ARHGEF3: variants seen among roughly 807,000 people sequenced by gnomAD.
ARHGEF3 encodes the protein 59.8 kDA protein.
ARHGEF3 carries 28 observed loss-of-function variants against 63.2 expected under a neutral mutation model. The ratio of observed to expected loss-of-function variants is 0.44; its 90% CI spans 0.33 to 0.61. The LOEUF is 0.61. ARHGEF3 is among the 20% of genes least tolerant of loss of function. ARHGEF3 has a pLI of 0.03. For missense variants in ARHGEF3, 533 were observed against 659.3 expected (o/e 0.81, Z 2.10); for synonymous variants, 266 against 254.2 (o/e 1.05, Z -0.44).
At chr3:56,939,701 T>C (rs1699082583) in intron 3 of ARHGEF3, 1 of 152,174 alleles carries the variant, frequency 6.6e-6, no homozygotes, top group African/African-American at 2.4e-5. Context: ...AATCAATAAC[T>C]AAATGGACTG....
intron 2 of ARHGEF3, among the ~76,000 whole-genome samples, chr3:56,758,727 C>G (rs10222681): frequency 0.26 from 39,867 of 152,026 alleles, 7,168 homozygotes; most frequent in African/African-American, 0.51. Flanking sequence ...CCCTTGTAAA[C>G]AGTAACCAGG....
intron 3 of ARHGEF3, among the ~76,000 whole-genome samples, chr3:56,955,853 C>A (rs1242866330): frequency 6.6e-6 from 1 of 152,230 alleles, no homozygotes; most frequent in African/African-American, 2.4e-5. Context: ...GGTGTTTCCA[C>A]TTGGTTGGGT....
At chr3:57,074,260 A>C (rs1317270486) in intron 1 of ARHGEF3, 8 of 1,608,184 alleles carry the variant, frequency 5.0e-6, no homozygotes, top group Non-Finnish European at 6.0e-6. Context: ...ATACACACAC[A>C]TCTGTAATCA....
intron 1 of ARHGEF3, among the ~76,000 whole-genome samples, chr3:56,782,347 C>T (rs2036600845): frequency 6.6e-6 from 1 of 152,114 alleles, no homozygotes; most frequent in Admixed American, 6.5e-5. Context: ...TCTTCAAACT[C>T]AGAACTATAA....
chr3:56,936,730 G>GT (rs891725112), intron 3 of ARHGEF3, among the ~76,000 whole-genome samples: 11 of 152,104 alleles, frequency 7.2e-5, no homozygotes, highest in African/African-American at 2.4e-4. Context: ...AGTTCCATGG[G>GT]TTTTTTTGAG....
intron 1 of ARHGEF3, among the ~76,000 whole-genome samples, chr3:57,044,715 T>C (rs1051053298): frequency 2.6e-5 from 4 of 152,164 alleles, no homozygotes; most frequent in African/African-American, 9.7e-5. Context: ...TAGTCAGTCC[T>C]CAAGGTCATA....
intron 4 of ARHGEF3, among the ~76,000 whole-genome samples, chr3:56,869,964 TTA>T (rs896951088): frequency 6.0e-5 from 9 of 151,206 alleles, no homozygotes; most frequent in South Asian, 2.1e-4. Flanking sequence ...CAACTACAAT[TTA>T]TATATATATA....
chr3:56,884,879 A>G (rs2108265693), intron 3 of ARHGEF3, among the ~76,000 whole-genome samples: 1 of 152,366 alleles, frequency 6.6e-6, no homozygotes, highest in African/African-American at 2.4e-5. Context: ...TCCATCCTAC[A>G]GGTTAATAAA....
At chr3:56,900,874 G>T (rs985266321) in intron 3 of ARHGEF3, among the ~76,000 whole-genome samples, 3 of 152,130 alleles carry the variant, frequency 2.0e-5, no homozygotes, top group African/African-American at 7.2e-5. Flanking sequence ...AACTAGCTTT[G>T]TGACTCCAGG....
At chr3:56,921,728 A>T (rs1026869486) in intron 3 of ARHGEF3, among the ~76,000 whole-genome samples, 1 of 152,240 alleles carries the variant, frequency 6.6e-6, no homozygotes, top group Admixed American at 6.5e-5. Flanking sequence ...ACATTTGAAA[A>T]TGTTGATGCT....
At chr3:56,860,830 G>T (rs917433135) in intron 4 of ARHGEF3, among the ~76,000 whole-genome samples, 1 of 152,212 alleles carries the variant, frequency 6.6e-6, no homozygotes, top group African/African-American at 2.4e-5. Flanking sequence ...GGGATGACGT[G>T]ATTAATACGT....
chr3:56,831,099 G>A (rs746098839), intron 4 of ARHGEF3, among the ~76,000 whole-genome samples: 6 of 152,152 alleles, frequency 3.9e-5, no homozygotes, highest in African/African-American at 7.2e-5. Context: ...CTCAAACAGT[G>A]CCCAGCCCAG....
intron 3 of ARHGEF3, among the ~76,000 whole-genome samples, chr3:56,883,860 G>T (rs2040843739): frequency 1.3e-5 from 2 of 152,092 alleles, no homozygotes; most frequent in Non-Finnish European, 2.9e-5. Flanking sequence ...CTCCTCTAGT[G>T]GAACCCTGAG....
intron 4 of ARHGEF3, among the ~76,000 whole-genome samples, chr3:56,873,788 G>C (rs1483433714): frequency 6.6e-6 from 1 of 152,110 alleles, no homozygotes; most frequent in Non-Finnish European, 1.5e-5. Context: ...AGGAAACTGA[G>C]GTACAGAATG....
chr3:56,836,447 T>C (rs191408776), intron 4 of ARHGEF3, among the ~76,000 whole-genome samples: 166 of 152,316 alleles, frequency 1.1e-3, no homozygotes, highest in African/African-American at 3.8e-3. Context: ...CATTCACTCA[T>C]TCAGAATGTA....
chr3:56,921,000 A>G (rs1419093159), intron 3 of ARHGEF3, among the ~76,000 whole-genome samples: 8 of 141,080 alleles, frequency 5.7e-5, no homozygotes, highest in Admixed American at 4.6e-4. Context: ...GCTTGCAGTG[A>G]GCCGAGATTG....
At chr3:56,972,568 A>T (rs1700960377) in intron 2 of ARHGEF3, among the ~76,000 whole-genome samples, 1 of 151,958 alleles carries the variant, frequency 6.6e-6, no homozygotes, top group African/African-American at 2.4e-5. Context: ...GCTGATATTT[A>T]GTATGGAGTG....
intron 1 of ARHGEF3, among the ~76,000 whole-genome samples, chr3:56,792,516 T>G (rs560207612): frequency 5.3e-5 from 8 of 152,284 alleles, no homozygotes; most frequent in Admixed American, 3.3e-4. Flanking sequence ...CCATCAGACT[T>G]CAAGCTCCAG....
At chr3:56,877,834 A>G (rs2040639935) in intron 4 of ARHGEF3, among the ~76,000 whole-genome samples, 1 of 152,108 alleles carries the variant, frequency 6.6e-6, no homozygotes, top group Non-Finnish European at 1.5e-5. Context: ...CTTTGGCATC[A>G]CTGTTTAGGG....
Sources: allele counts gnomAD v4.1 joint callset (sites outside exome capture counted in the v4.1 genomes callset), GRCh38; gene constraint gnomAD v4.1.1; transcripts MANE v1.5; gene names NCBI Gene and HGNC (gene_info 2026-07-23, HGNC 2026-07-21).